The following DNER variants were observed in gnomAD, a reference collection of about 807,000 sequenced individuals.
DNER encodes delta and Notch-like epidermal growth factor-related receptor.
DNER carries 33 observed loss-of-function variants against 78.2 expected under a neutral mutation model. The observed-to-expected ratio is 0.42, with a 90% CI of 0.32 to 0.56. DNER has a LOEUF of 0.56. Ranked by LOEUF, DNER falls within the 20% of genes least tolerant of loss-of-function variation. The pLI, the probability that DNER is intolerant of heterozygous loss-of-function variation, is 0.11. For synonymous variants in DNER, 417 were observed against 384.8 expected (o/e 1.08, Z -0.98); for missense variants, 918 against 975.3 (o/e 0.94, Z 0.78).
intron 1 of DNER, among the ~76,000 whole-genome samples, chr2:229,675,157 T>C (rs912540089): frequency 2.0e-5 from 3 of 152,176 alleles, no homozygotes; most frequent in Non-Finnish European, 4.4e-5. Flanking sequence ...ACAAGGTATA[T>C]GCCATATGAC....
intron 6 of DNER, among the ~76,000 whole-genome samples, chr2:229,504,201 A>G (rs577289491): frequency 1.3e-3 from 197 of 152,054 alleles, no homozygotes; most frequent in Non-Finnish European, 1.9e-3. Context: ...CCTTTGTAAT[A>G]TCCTTTATTT....
In DNER at chr2:229,617,745, G is replaced by A. The variant is rs552889290; in HGVS notation, c.277-25857C>T. 3.3e-5 allele frequency among the ~76,000 whole-genome samples: 5 copies of A among 152,160 alleles called. No individual in the cohort carries two copies. In the South Asian group the frequency reaches 8.3e-4, roughly 25 times the overall value. The stretch of plus-strand genomic sequence containing the variant: ...AACACAGGAGGATCACTTGAGCCCA[G>A]GAGTTCAAGGCCAGCCTGAGCAACA... On this transcript the variant is annotated intron_variant, in intron 1 of 12. Transcript: ENST00000341772.
At chr2:229,559,322 G>A (rs1245149875) in intron 4 of DNER, among the ~76,000 whole-genome samples, 1 of 151,932 alleles carries the variant, frequency 6.6e-6, no homozygotes, top group Non-Finnish European at 1.5e-5. Flanking sequence ...GAGAATAGAG[G>A]GTGACAAGGC....
intron 7 of DNER, among the ~76,000 whole-genome samples, chr2:229,465,133 A>G (rs1489969536): frequency 6.6e-6 from 1 of 152,214 alleles, no homozygotes; most frequent in Non-Finnish European, 1.5e-5. Context: ...ATGCATGTGT[A>G]TGTTCATTGC....
intron 6 of DNER, among the ~76,000 whole-genome samples, chr2:229,490,574 G>A (rs1206693111): frequency 6.6e-6 from 1 of 152,074 alleles, no homozygotes; most frequent in Non-Finnish European, 1.5e-5. Flanking sequence ...TAGAGCTGGG[G>A]GGTGGGGAGG....
chr2:229,697,449 G>A (rs1426053050), intron 1 of DNER, among the ~76,000 whole-genome samples: 1 of 152,144 alleles, frequency 6.6e-6, no homozygotes, highest in Non-Finnish European at 1.5e-5. Context: ...GCCACTAAAA[G>A]GTTCCCTTTA....
At chr2:229,417,959 TC>T in intron 9 of DNER, 148 bp downstream of exon 9, 11 of 1,273,804 alleles carry the variant, frequency 8.6e-6, no homozygotes, top group Non-Finnish European at 1.1e-5. Context: ...CAAATTGGTC[TC>T]CTTGGACCGA....
chr2:229,382,760 G>A (rs1202505125), intron 11 of DNER, among the ~76,000 whole-genome samples: 1 of 151,984 alleles, frequency 6.6e-6, no homozygotes, highest in African/African-American at 2.4e-5. Context: ...AAAAAATATG[G>A]GACTATGTGA....
chr2:229,500,213 G>A (rs887902939), intron 6 of DNER, among the ~76,000 whole-genome samples: 3 of 152,304 alleles, frequency 2.0e-5, no homozygotes, highest in Non-Finnish European at 4.4e-5. Flanking sequence ...GATTACAGGC[G>A]TGAGCCACCG....
At chr2:229,405,723 C>A (rs761724100) in intron 10 of DNER, among the ~76,000 whole-genome samples, 1 of 152,160 alleles carries the variant, frequency 6.6e-6, no homozygotes, top group Non-Finnish European at 1.5e-5. Context: ...ACTACACACA[C>A]ACAGACCTTC....
chr2:229,696,461 T>A (rs1699664221), intron 1 of DNER, among the ~76,000 whole-genome samples: 1 of 152,224 alleles, frequency 6.6e-6, no homozygotes, highest in African/African-American at 2.4e-5. Context: ...AATTATTTTT[T>A]CAACTTTCTG....
chr2:229,370,119 C>T (rs1300447899), intron 11 of DNER, among the ~76,000 whole-genome samples: 1 of 152,178 alleles, frequency 6.6e-6, no homozygotes, highest in Non-Finnish European at 1.5e-5. Flanking sequence ...CTTCAGTCAT[C>T]ATAGATCTAA....
At chr2:229,441,926 T>A (rs968055212) in intron 8 of DNER, among the ~76,000 whole-genome samples, 9 of 152,308 alleles carry the variant, frequency 5.9e-5, no homozygotes, top group Non-Finnish European at 1.0e-4. Context: ...CTTCTTTTTC[T>A]CAGTTCTCAG....
chr2:229,632,527 C>G (rs1440956401), intron 1 of DNER, among the ~76,000 whole-genome samples: 2 of 152,164 alleles, frequency 1.3e-5, no homozygotes, highest in East Asian at 3.8e-4. Flanking sequence ...ATGCAGATTT[C>G]ATTCATTTAC....
intron 9 of DNER, among the ~76,000 whole-genome samples, chr2:229,409,675 T>C (rs1238760579): frequency 1.3e-5 from 2 of 152,142 alleles, no homozygotes; most frequent in African/African-American, 4.8e-5. Context: ...TTTTTTCCCT[T>C]GTTAATTTTC....
intron 1 of DNER, among the ~76,000 whole-genome samples, chr2:229,601,006 G>T (rs1031142750): frequency 3.9e-5 from 6 of 152,208 alleles, no homozygotes; most frequent in African/African-American, 1.4e-4. Flanking sequence ...TGTGATATGG[G>T]AGAGAAAGAC....
At chr2:229,441,630 C>T (rs1574844762) in intron 8 of DNER, among the ~76,000 whole-genome samples, 1 of 152,262 alleles carries the variant, frequency 6.6e-6, no homozygotes, top group East Asian at 1.9e-4. Context: ...AGCTGTCACT[C>T]TACATATGTG....
chr2:229,653,979 T>C (rs1229819763), intron 1 of DNER, among the ~76,000 whole-genome samples: 1 of 152,214 alleles, frequency 6.6e-6, no homozygotes, highest in African/African-American at 2.4e-5. Context: ...TTATTATTAT[T>C]ATTATACTTT....
chr2:229,496,885 G>A (rs902224965), intron 6 of DNER, among the ~76,000 whole-genome samples: 99 of 152,192 alleles, frequency 6.5e-4, no homozygotes, highest in African/African-American at 2.3e-3. Context: ...TTCAAAAATA[G>A]AGAGACTATA....
Sources: gnomAD v4.1 joint callset for allele counts (sites outside exome capture counted in the v4.1 genomes callset) on GRCh38, gnomAD v4.1.1 for gene constraint, MANE v1.5 for transcripts, NCBI Gene and HGNC (gene_info 2026-07-23, HGNC 2026-07-21) for gene names.